Variants in CNTNAP5 observed in about 807,000 individuals in gnomAD.
CNTNAP5 encodes the protein contactin-associated protein-like 5.
In CNTNAP5, 72 loss-of-function variants were observed where a neutral mutation model predicts 150.2. The observed-to-expected ratio is 0.48, with a 90% CI of 0.40 to 0.58. CNTNAP5 has a LOEUF of 0.58. Among genes scored for constraint, CNTNAP5 ranks in the 20% least tolerant of loss-of-function variants. CNTNAP5 has a pLI of 0.00. For synonymous variants in CNTNAP5, 672 were observed against 619.8 expected (o/e 1.08, Z -1.25); for missense variants, 1,636 against 1,626.2 (o/e 1.01, Z -0.10).
intron 11 of CNTNAP5, among the ~76,000 whole-genome samples, chr2:124,605,822 A>G (rs1429030010): frequency 8.1e-5 from 12 of 148,800 alleles, no homozygotes; most frequent in Admixed American, 8.0e-4. Flanking sequence ...AAAAAAAAAA[A>G]AAAAAAAAAA....
intron 1 of CNTNAP5, among the ~76,000 whole-genome samples, chr2:124,095,147 T>C (rs1002177627): frequency 1.3e-5 from 2 of 152,084 alleles, no homozygotes; most frequent in East Asian, 3.9e-4. Context: ...ACATACACCA[T>C]GGAATACCAT....
At chr2:124,340,367 G>T (rs369348882) in intron 3 of CNTNAP5, among the ~76,000 whole-genome samples, 1 of 152,300 alleles carries the variant, frequency 6.6e-6, no homozygotes, top group South Asian at 2.1e-4. Context: ...GAAAGTGTCA[G>T]ATAGCTGAGA....
At chr2:124,177,412 G>A (rs990502259) in intron 1 of CNTNAP5, among the ~76,000 whole-genome samples, 1 of 151,900 alleles carries the variant, frequency 6.6e-6, no homozygotes, top group South Asian at 2.1e-4. Context: ...ACAACTTCTG[G>A]GTTCTCTATC....
chr2:124,750,982 CAA>C (rs745635606), intron 14 of CNTNAP5, among the ~76,000 whole-genome samples: 26,376 of 73,728 alleles, frequency 0.36, 2,112 homozygotes, highest in Non-Finnish European at 0.43. Flanking sequence ...GACTCCATCT[CAA>C]AAAAAAAAAA....
At chr2:124,814,206 A>T (rs1268066833) in intron 19 of CNTNAP5, among the ~76,000 whole-genome samples, 1 of 148,248 alleles carries the variant, frequency 6.7e-6, no homozygotes, top group Non-Finnish European at 1.5e-5. Flanking sequence ...TCCTTCCTCT[A>T]GGTCTTTGCA....
intron 6 of CNTNAP5, among the ~76,000 whole-genome samples, chr2:124,448,475 C>G (rs1558907070): frequency 1.3e-5 from 2 of 152,122 alleles, no homozygotes; most frequent in Non-Finnish European, 2.9e-5. Context: ...TACCACACAG[C>G]TCTTCCCAAT....
At chr2:124,309,356 A>T (rs540130500) in intron 3 of CNTNAP5, among the ~76,000 whole-genome samples, 1 of 152,338 alleles carries the variant, frequency 6.6e-6, no homozygotes, top group South Asian at 2.1e-4. Flanking sequence ...AGCCTGACAT[A>T]TACTACAGAT....
At chr2:124,347,443 C>T (rs1281872139) in intron 3 of CNTNAP5, among the ~76,000 whole-genome samples, 3 of 152,152 alleles carry the variant, frequency 2.0e-5, no homozygotes, top group Non-Finnish European at 4.4e-5. Context: ...AACCTCTTTC[C>T]CCTCCTCCAC....
chr2:124,520,294 T>C (rs1258196358), intron 8 of CNTNAP5, among the ~76,000 whole-genome samples: 1 of 152,254 alleles, frequency 6.6e-6, no homozygotes, highest in Non-Finnish European at 1.5e-5. Context: ...GAATTTTTGC[T>C]ATTGTAAATA....
At chr2:124,601,563 G>T (rs1696983854) in intron 11 of CNTNAP5, among the ~76,000 whole-genome samples, 1 of 152,100 alleles carries the variant, frequency 6.6e-6, no homozygotes, top group Non-Finnish European at 1.5e-5. Flanking sequence ...AGCTTAAAGG[G>T]AACAGCCTAT....
At position 124,704,281 on chromosome 2, in the gene CNTNAP5, G is replaced by A. The variant is rs536435370; in HGVS notation, c.2078-42948G>A. Among the ~76,000 whole-genome samples, 4 of 152,180 alleles carry A rather than the reference G, an allele frequency of 2.6e-5. No individual in the cohort carries two copies. In the East Asian group the frequency reaches 5.8e-4, roughly 22 times the overall value. ...TGCTCCCCAGGGGGCCCGCAGAGGG[G>A]CTTTGCCATCTGGACAAGTAGATCA... On this transcript the variant is annotated intron_variant, in intron 13 of 23. Transcript: ENST00000682447.
intron 12 of CNTNAP5, among the ~76,000 whole-genome samples, chr2:124,643,324 A>C (rs1678133374): frequency 6.6e-6 from 1 of 152,200 alleles, no homozygotes; most frequent in Non-Finnish European, 1.5e-5. Context: ...CAGTAGAAGT[A>C]ATGAAAGAGA....
At chr2:124,816,920 G>C (rs1292578960) in intron 19 of CNTNAP5, among the ~76,000 whole-genome samples, 3 of 152,128 alleles carry the variant, frequency 2.0e-5, no homozygotes, top group Non-Finnish European at 2.9e-5. Flanking sequence ...CATCATCGTT[G>C]CCATATTCTA....
intron 13 of CNTNAP5, among the ~76,000 whole-genome samples, chr2:124,719,614 C>T (rs1311269774): frequency 6.6e-6 from 1 of 152,146 alleles, no homozygotes; most frequent in Admixed American, 6.6e-5. Flanking sequence ...CAGAGATTTC[C>T]ACTGGCTACG....
At chr2:124,862,993 A>G (rs1677557822) in intron 19 of CNTNAP5, among the ~76,000 whole-genome samples, 1 of 152,164 alleles carries the variant, frequency 6.6e-6, no homozygotes, top group Non-Finnish European at 1.5e-5. Context: ...AGAATACTTT[A>G]GCAGATAGGA....
chr2:124,271,126 G>C (rs575150254), intron 3 of CNTNAP5, among the ~76,000 whole-genome samples: 1 of 152,046 alleles, frequency 6.6e-6, no homozygotes, highest in Non-Finnish European at 1.5e-5. Context: ...TGTGAAAAAG[G>C]TTGGAAACCA....
At chr2:124,646,954 CAGAG>C (rs915827013) in intron 12 of CNTNAP5, among the ~76,000 whole-genome samples, 1 of 152,106 alleles carries the variant, frequency 6.6e-6, no homozygotes, top group Non-Finnish European at 1.5e-5. Flanking sequence ...GCCAGGGCAA[CAGAG>C]AGAGACCCTG....
At chr2:124,529,072 T>C (rs1695045150) in intron 10 of CNTNAP5, among the ~76,000 whole-genome samples, 1 of 151,976 alleles carries the variant, frequency 6.6e-6, no homozygotes. Context: ...TTTTTTTTTT[T>C]CTATTTGACC....
chr2:124,629,092 C>G (rs115943344), intron 12 of CNTNAP5, among the ~76,000 whole-genome samples: 1 of 152,136 alleles, frequency 6.6e-6, no homozygotes, highest in African/African-American at 2.4e-5. Flanking sequence ...GAGACTCAGA[C>G]CCCCACACAA....
Sources: gnomAD v4.1 joint callset for allele counts (sites outside exome capture counted in the v4.1 genomes callset) on GRCh38, gnomAD v4.1.1 for gene constraint, MANE v1.5 for transcripts, NCBI Gene and HGNC (gene_info 2026-07-23, HGNC 2026-07-21) for gene names.